The following DIXDC1 variants were observed in gnomAD, a reference collection of about 807,000 sequenced individuals.
DIXDC1 encodes the protein DIX domain containing 1.
In DIXDC1, 64 loss-of-function variants were observed where a neutral mutation model predicts 103.1. The ratio of observed to expected loss-of-function variants is 0.62; its 90% CI spans 0.51 to 0.76. The LOEUF (loss-of-function observed/expected upper bound fraction) is 0.76, where lower values mean the gene tolerates loss of function less well. Ranked by LOEUF, DIXDC1 falls within the 30% of genes least tolerant of loss-of-function variation. The probability of loss-of-function intolerance (pLI) is 0.00; values close to 1 mark genes in which losing one functional copy is unlikely to be tolerated. For missense variants in DIXDC1, 759 were observed against 834.2 expected (o/e 0.91, Z 1.11); for synonymous variants, 266 against 298.5 (o/e 0.89, Z 1.12).
chr11:111,975,665 A>T, intron 5 of DIXDC1: 2 of 985,582 alleles, frequency 2.0e-6, no homozygotes, highest in Non-Finnish European at 2.4e-6. Flanking sequence ...TACTAACTTC[A>T]TTTTGTTGCT....
intron 2 of DIXDC1, 84 bp downstream of exon 2, chr11:111,964,762 T>G: frequency 6.9e-7 from 1 of 1,440,228 alleles, no homozygotes; most frequent in South Asian, 1.5e-5. Context: ...TTAGAGCAGG[T>G]TATTTTTTCT....
At position 111,964,365 on chromosome 11, in the gene DIXDC1, T is replaced by C. The variant is rs587750732; in HGVS notation, c.61-184T>C. Among the ~76,000 whole-genome samples the C allele has an allele frequency of 2.4e-3, 360 of 152,294 alleles. 5 individuals carry two copies. The highest frequency in any genetic ancestry group is 3.8e-3 in the Non-Finnish European group (261 of 68,028). ...GGAGATTAGCATAAAACTAGAGAAT[T>C]TGTGAACATGCTGTGTGTCTGACCA... On this transcript the variant is annotated intron_variant, in intron 1 of 19. Transcript: ENST00000440460.
chr11:111,930,300 A>G (rs1965969257), intron 2 of DIXDC1, among the ~76,000 whole-genome samples: 4 of 152,118 alleles, frequency 2.6e-5, no homozygotes, highest in Admixed American at 2.6e-4. Flanking sequence ...TATTCTGGAA[A>G]ATATTCTTGC....
chr11:111,972,266 C>A (rs114431227), intron 3 of DIXDC1, among the ~76,000 whole-genome samples: 1,792 of 152,266 alleles, frequency 0.012, 22 homozygotes, highest in African/African-American at 0.04. Flanking sequence ...TGTTTTCTGC[C>A]TACATTCCTC....
intron 6 of DIXDC1, among the ~76,000 whole-genome samples, chr11:111,981,351 C>T (rs190805787): frequency 6.6e-6 from 1 of 152,278 alleles, no homozygotes; most frequent in Non-Finnish European, 1.5e-5. Flanking sequence ...CTCAGTTGCT[C>T]TTTATTTTTT....
In DIXDC1 at chr11:111,977,644, C is replaced by G; in HGVS notation, c.656+2661C>G. On this transcript the variant is annotated intron_variant, in intron 5 of 19. Transcript: ENST00000440460. The surrounding 1 kb of genome is among the most constrained non-coding windows in gnomAD (Gnocchi z 6.1). ...CGGGCCAGTAGCTTTGCTAGCTGGC[C>G]TTCCCGTGGAGGCGTTTTCCAGCCC... 6.5e-7 allele frequency: 1 copy of G among 1,545,494 alleles called. No homozygotes were observed.
chr11:111,977,500 CG>C lies in DIXDC1; in HGVS notation c.656+2521del. 4 of 1,339,400 alleles carry C rather than the reference CG, an allele frequency of 3.0e-6. No individual in the cohort carries two copies. Among genetic ancestry groups the C allele is most frequent in the Non-Finnish European group, 3.8e-6 (4 of 1,048,976 alleles). The allele number at this position is 1,339,400 out of a possible 1,614,324, so 83.0% of individuals were successfully genotyped here. ...GCCTGCGAGGGGAGGCAGCTTCCGC[CG>C]GGGCCGGGCTGCTGCACAGTCTGAG... On this transcript the variant is annotated intron_variant, in intron 5 of 19. Coordinates refer to ENST00000440460, the MANE Select transcript of DIXDC1 (RefSeq NM_001037954.4). The surrounding 1 kb of genome is among the most constrained non-coding windows in gnomAD (Gnocchi z 6.1).
In DIXDC1 at chr11:112,020,091, G is replaced by A. The variant is rs1339676238; in HGVS notation, c.*1055G>A. On this transcript the variant is annotated 3_prime_UTR_variant, in exon 20 of 20. Coordinates refer to ENST00000440460, the MANE Select transcript of DIXDC1 (RefSeq NM_001037954.4). Reference sequence around the variant, plus strand: ...GGCACAATAGAAACCATGGGGCGTGGAGCATGAGTTGTGAATGGCAGGGAT... The same window carrying A: ...GGCACAATAGAAACCATGGGGCGTGAAGCATGAGTTGTGAATGGCAGGGAT... 6.6e-6 allele frequency: 1 copy of A among 152,134 alleles called. No individual in the cohort carries two copies. The highest frequency in any genetic ancestry group is 2.4e-5 in the African/African-American group (1 of 41,408). The allele number at this position is 152,134 out of a possible 1,614,324, so 9.4% of individuals were successfully genotyped here.
chr11:111,957,133 C>T (rs1051810978), intron 1 of DIXDC1, among the ~76,000 whole-genome samples: 27 of 152,120 alleles, frequency 1.8e-4, no homozygotes, highest in Non-Finnish European at 3.5e-4. Flanking sequence ...GTTTGTGCCA[C>T]TGCACTCCAG....
intron 1 of DIXDC1, among the ~76,000 whole-genome samples, chr11:111,943,325 G>A (rs1966478211): frequency 1.3e-5 from 2 of 151,744 alleles, no homozygotes; most frequent in South Asian, 4.2e-4. Flanking sequence ...TGTAGTTTTA[G>A]TAGAGACAGG....
rs1555170723 is a variant in DIXDC1, at chr11:111,958,002, G to T, written c.61-6547G>T. On this transcript the variant is annotated intron_variant, in intron 1 of 19. Coordinates refer to ENST00000440460, the MANE Select transcript of DIXDC1 (RefSeq NM_001037954.4). The surrounding 1 kb of genome is among the most constrained non-coding windows in gnomAD (Gnocchi z 4.2). ...TGCCCCCTCTGAGTTGGCAGGGTGG[G>T]AGCTTTATGCTCTCTGGGTGCAGCT... Among the ~76,000 whole-genome samples the T allele has an allele frequency of 6.6e-6, 1 of 152,230 alleles. No homozygotes were observed. Among genetic ancestry groups the T allele is most frequent in the Admixed American group, 6.5e-5 (1 of 15,286 alleles).
intron 2 of DIXDC1, among the ~76,000 whole-genome samples, chr11:111,965,001 G>A (rs1859681980): frequency 6.6e-6 from 1 of 152,112 alleles, no homozygotes; most frequent in South Asian, 2.1e-4. Flanking sequence ...AAGCACAGAT[G>A]GGAGCACATA....
chr11:111,990,436 G>A (rs76119044), intron 10 of DIXDC1, among the ~76,000 whole-genome samples: 9,743 of 151,956 alleles, frequency 0.064, 458 homozygotes, highest in Middle Eastern at 0.1. Context: ...TGTCTACATC[G>A]CTTTCCCCCA....
chr11:111,938,140 A>G (rs181451748), intron 1 of DIXDC1, among the ~76,000 whole-genome samples: 2 of 152,216 alleles, frequency 1.3e-5, no homozygotes, highest in African/African-American at 2.4e-5. Flanking sequence ...TCCTGGGTCC[A>G]GGGAGCCAGC....
intron 1 of DIXDC1, among the ~76,000 whole-genome samples, chr11:111,955,692 A>C (rs1183224522): frequency 6.6e-6 from 1 of 151,574 alleles, no homozygotes; most frequent in Admixed American, 6.6e-5. Context: ...AAAATTAGCC[A>C]GGCATAGTGG....
chr11:111,984,786 CAAAG>C (rs1241840857), intron 7 of DIXDC1, among the ~76,000 whole-genome samples: 1 of 152,114 alleles, frequency 6.6e-6, no homozygotes, highest in African/African-American at 2.4e-5. Flanking sequence ...ATCAGTAAAA[CAAAG>C]AAAAATCAAA....
chr11:112,000,091 C>T (rs1216143408), intron 17 of DIXDC1, among the ~76,000 whole-genome samples: 3 of 151,846 alleles, frequency 2.0e-5, no homozygotes, highest in East Asian at 3.9e-4. Context: ...GCTGAGATTG[C>T]GCCACTGCAC....
intron 1 of DIXDC1, among the ~76,000 whole-genome samples, chr11:111,947,816 A>AT (rs1409595073): frequency 6.6e-6 from 1 of 152,144 alleles, no homozygotes; most frequent in African/African-American, 2.4e-5. Context: ...CTTCAACTAA[A>AT]TTTTTTTCAT....
chr11:111,951,836 C>T (rs940883419), intron 1 of DIXDC1, among the ~76,000 whole-genome samples: 2 of 151,412 alleles, frequency 1.3e-5, no homozygotes, highest in Non-Finnish European at 1.5e-5. Context: ...TGTGAGGCTT[C>T]CTTAGTGATG....
Sources: gnomAD v4.1 joint callset for allele counts (sites outside exome capture counted in the v4.1 genomes callset) on GRCh38, gnomAD v4.1.1 for gene constraint, Gnocchi (gnomAD v3.1) non-coding constraint, MANE v1.5 for transcripts, NCBI Gene and HGNC (gene_info 2026-07-23, HGNC 2026-07-21) for gene names.